NFS1: variants seen among roughly 807,000 people sequenced by gnomAD.
NFS1 encodes NFS1 cysteine desulfurase.
NFS1 carries 26 observed loss-of-function variants against 57.3 expected under a neutral mutation model. The ratio of observed to expected loss-of-function variants is 0.45; its 90% CI spans 0.33 to 0.63. The LOEUF is 0.63. Ranked by LOEUF, NFS1 falls within the 20% of genes least tolerant of loss-of-function variation. The pLI is 0.02. For synonymous variants in NFS1, 209 were observed against 216.3 expected (o/e 0.97, Z 0.30); for missense variants, 505 against 605.8 (o/e 0.83, Z 1.75).
At chr20:35,692,035 A>C (rs2146435218) in intron 4 of NFS1, among the ~76,000 whole-genome samples, 1 of 151,974 alleles carries the variant, frequency 6.6e-6, no homozygotes, top group African/African-American at 2.4e-5. Flanking sequence ...AAAATACAAA[A>C]ATTAGCCAGG....
chr20:35,675,366 G>A (rs2034723677), intron 7 of NFS1, 164 bp from the exon 8 acceptor site: 2 of 720,290 alleles, frequency 2.8e-6, no homozygotes, highest in Non-Finnish European at 4.6e-6. Flanking sequence ...TAAAAGCATA[G>A]TATTTAGTAA....
intron 5 of NFS1, among the ~76,000 whole-genome samples, chr20:35,684,949 G>A (rs748403715): frequency 6.0e-5 from 9 of 150,998 alleles, no homozygotes; most frequent in African/African-American, 9.8e-5. Flanking sequence ...GTGCAGTGGC[G>A]GGGTCTCACT....
chr20:35,696,235 A>C, intron 4 of NFS1, 142 bp downstream of exon 4: 1 of 682,556 alleles, frequency 1.5e-6, no homozygotes, highest in Non-Finnish European at 2.7e-6. Context: ...GGAAGCAACA[A>C]ATCAGAAAGA....
intron 12 of NFS1, 63 bp from the exon 13 acceptor site, chr20:35,669,748 C>T (rs1391352912): frequency 6.7e-7 from 1 of 1,494,472 alleles, no homozygotes; most frequent in Non-Finnish European, 9.3e-7. Flanking sequence ...AACATTGGCC[C>T]CAAGGCTCTG....
intron 10 of NFS1, 179 bp downstream of exon 10, chr20:35,674,171 T>C (rs1568956068): frequency 3.3e-6 from 2 of 605,982 alleles, no homozygotes; most frequent in Non-Finnish European, 5.9e-6. Flanking sequence ...CCTAGGGTGG[T>C]AAACTTCAGT....
intron 5 of NFS1, among the ~76,000 whole-genome samples, chr20:35,687,109 G>A (rs1247308206): frequency 6.6e-6 from 1 of 152,188 alleles, no homozygotes; most frequent in East Asian, 1.9e-4. Flanking sequence ...GGTAGCGTCA[G>A]TGTCAAGGAA....
chr20:35,690,309 G>T, intron 5 of NFS1, 104 bp downstream of exon 5: 1 of 1,101,998 alleles, frequency 9.1e-7, no homozygotes, highest in South Asian at 1.5e-5. Flanking sequence ...CATCCTAACT[G>T]TTAGATCTAT....
At chr20:35,669,721 TTAGA>T (rs1183266605) in intron 12 of NFS1, 36 bp from the exon 13 acceptor site, 20 of 1,596,868 alleles carry the variant, frequency 1.3e-5, no homozygotes, top group Non-Finnish European at 1.7e-5. Flanking sequence ...GAGTGAGGGC[TTAGA>T]TAGGAAGTCG....
At position 35,698,504 on chromosome 20, in the gene NFS1, C is replaced by A; in HGVS notation, c.184G>T (p.Asp62Tyr). Residue 62 changes from aspartate (D) to tyrosine (Y), a missense_variant, in exon 2 of 13, where the codon GAT becomes TAT. Coordinates refer to ENST00000374092, the MANE Select transcript of NFS1 (RefSeq NM_021100.5). ...ACCAGAGGAGTTGTAGCTTGCACATCCATATAGAGAGGTCGCAGCACTGGC... is the reference window on the plus strand; with the variant it reads ...ACCAGAGGAGTTGTAGCTTGCACATACATATAGAGAGGTCGCAGCACTGGC... ...VGPVLRPLYM[D>Y]VQATTPLDPR... 2 of 1,613,004 alleles carry A rather than the reference C, an allele frequency of 1.2e-6. No homozygotes were observed. The highest frequency in any genetic ancestry group is 2.2e-5 in the East Asian group (1 of 44,824).
chr20:35,680,632 C>T, intron 7 of NFS1, 105 bp downstream of exon 7: 1 of 1,037,072 alleles, frequency 9.6e-7, no homozygotes, highest in Non-Finnish European at 1.3e-6. Context: ...TCTGAATGTA[C>T]AACTTCCTCT....
chr20:35,670,987 G>A (rs2034643364), intron 12 of NFS1, among the ~76,000 whole-genome samples: 1 of 152,184 alleles, frequency 6.6e-6, no homozygotes, highest in Admixed American at 6.5e-5. Flanking sequence ...CCAAGACAGA[G>A]CCAGGCTCTG....
intron 11 of NFS1, 54 bp downstream of exon 11, chr20:35,673,547 G>A: frequency 6.8e-7 from 1 of 1,462,696 alleles, no homozygotes; most frequent in Non-Finnish European, 9.5e-7. Flanking sequence ...TGTAACAGGA[G>A]ATGAAAAATA....
chr20:35,685,092 G>A (rs2034916113), intron 5 of NFS1, among the ~76,000 whole-genome samples: 1 of 151,626 alleles, frequency 6.6e-6, no homozygotes, highest in Non-Finnish European at 1.5e-5. Flanking sequence ...TTACCATGTT[G>A]GCCAGGCTAG....
intron 4 of NFS1, among the ~76,000 whole-genome samples, chr20:35,693,829 G>T (rs1424764841): frequency 6.6e-6 from 1 of 152,114 alleles, no homozygotes; most frequent in Non-Finnish European, 1.5e-5. Flanking sequence ...AGGCGTGGTG[G>T]TGGGAGCCTG....
At chr20:35,676,977 C>A (rs570991027) in intron 7 of NFS1, among the ~76,000 whole-genome samples, 14 of 152,118 alleles carry the variant, frequency 9.2e-5, no homozygotes, top group Middle Eastern at 3.4e-3. Flanking sequence ...AGTGATTCAC[C>A]TGCCTCAGCC....
At chr20:35,689,404 C>T (rs1397253398) in intron 5 of NFS1, among the ~76,000 whole-genome samples, 1 of 152,128 alleles carries the variant, frequency 6.6e-6, no homozygotes, top group Non-Finnish European at 1.5e-5. Flanking sequence ...GCAGGTGGAT[C>T]ACGAGGTCAG....
chr20:35,681,987 G>A lies in NFS1; in HGVS notation c.562-6C>T. ...TGGATAGCAGCCTCTAGTTCCTAGG[G>A]ATATGCAGGAGTAAGGTGACTAGAT... On this transcript the variant is annotated splice_region_variant and splice_polypyrimidine_tract_variant and intron_variant, in intron 5 of 12. Transcript: ENST00000374092. The A allele has an allele frequency of 6.4e-7, 1 of 1,558,584 alleles. No homozygotes were observed. The highest frequency in any genetic ancestry group is 8.9e-7 in the Non-Finnish European group (1 of 1,129,882).
At chr20:35,676,583 TA>T (rs1221128692) in intron 7 of NFS1, among the ~76,000 whole-genome samples, 136 of 140,198 alleles carry the variant, frequency 9.7e-4, no homozygotes, top group Middle Eastern at 3.6e-3. Context: ...AGACTCTGTC[TA>T]AAAAAAAAAA....
chr20:35,686,350 CA>C (rs55861739), intron 5 of NFS1, among the ~76,000 whole-genome samples: 33,046 of 69,552 alleles, frequency 0.48, 6,000 homozygotes, highest in African/African-American at 0.71. Context: ...AACTCCATCT[CA>C]AAAAAAAAAA....
Sources: allele counts gnomAD v4.1 joint callset (sites outside exome capture counted in the v4.1 genomes callset), GRCh38; gene constraint gnomAD v4.1.1; transcripts MANE v1.5; gene names NCBI Gene and HGNC (gene_info 2026-07-23, HGNC 2026-07-21).